Variants in MECOM observed in about 807,000 individuals in gnomAD.
The protein encoded by MECOM is histone-lysine N-methyltransferase MECOM.
MECOM carries 13 observed loss-of-function variants against 116.3 expected under a neutral mutation model. The observed-to-expected ratio is 0.11, with a 90% CI of 0.07 to 0.18. The LOEUF (loss-of-function observed/expected upper bound fraction) is 0.18, where lower values mean the gene tolerates loss of function less well. Ranked by LOEUF, MECOM falls within the 10% of genes least tolerant of loss-of-function variation. The pLI is 1.00. For missense variants in MECOM, 1,299 were observed against 1,509.0 expected (o/e 0.86, Z 2.31); for synonymous variants, 528 against 535.2 (o/e 0.99, Z 0.19).
At chr3:169,330,840 G>A (rs1474220636) in intron 2 of MECOM, among the ~76,000 whole-genome samples, 3 of 151,658 alleles carry the variant, frequency 2.0e-5, no homozygotes, top group Non-Finnish European at 4.4e-5. Flanking sequence ...CGATAATAAA[G>A]CTTTCATTTT....
chr3:169,205,821 C>G (rs993222693), intron 2 of MECOM, among the ~76,000 whole-genome samples: 1 of 152,086 alleles, frequency 6.6e-6, no homozygotes, highest in African/African-American at 2.4e-5. Flanking sequence ...AAACTGGTGT[C>G]CTGGGGGCCA....
At chr3:169,367,288 C>T (rs1729339877) in intron 2 of MECOM, among the ~76,000 whole-genome samples, 2 of 151,630 alleles carry the variant, frequency 1.3e-5, no homozygotes, top group African/African-American at 4.8e-5. Flanking sequence ...TTAAGTTTTG[C>T]ATAACATTAG....
At chr3:169,319,638 AAG>A (rs1323651696) in intron 2 of MECOM, among the ~76,000 whole-genome samples, 5 of 152,208 alleles carry the variant, frequency 3.3e-5, no homozygotes, top group Non-Finnish European at 7.3e-5. Context: ...GGTTGGGAAG[AAG>A]AGAGAATTGT....
intron 1 of MECOM, among the ~76,000 whole-genome samples, chr3:169,515,519 A>G (rs1756515275): frequency 6.6e-6 from 1 of 152,220 alleles, no homozygotes; most frequent in South Asian, 2.1e-4. Context: ...TGACTTTAAA[A>G]CATGAGAATT....
At chr3:169,194,746 A>G (rs1748189891) in intron 2 of MECOM, among the ~76,000 whole-genome samples, 1 of 152,080 alleles carries the variant, frequency 6.6e-6, no homozygotes, top group Non-Finnish European at 1.5e-5. Context: ...TTGCCACTCC[A>G]AGTTGCAGTC....
chr3:169,269,547 T>C (rs1026618058), intron 2 of MECOM, among the ~76,000 whole-genome samples: 1 of 152,208 alleles, frequency 6.6e-6, no homozygotes, highest in Non-Finnish European at 1.5e-5. Context: ...TCACTTTATT[T>C]TGTAGGTTTG....
intron 3 of MECOM, among the ~76,000 whole-genome samples, chr3:169,139,818 T>C (rs917725888): frequency 6.6e-6 from 1 of 151,916 alleles, no homozygotes; most frequent in East Asian, 1.9e-4. Context: ...AGGAGACTTA[T>C]CAAAGGATGG....
At chr3:169,402,186 A>G (rs976186110) in intron 1 of MECOM, among the ~76,000 whole-genome samples, 4 of 152,200 alleles carry the variant, frequency 2.6e-5, no homozygotes, top group African/African-American at 9.7e-5. Context: ...CTCATATACT[A>G]TGTCATGAGT....
chr3:169,378,640 G>C (rs558139978), intron 2 of MECOM, among the ~76,000 whole-genome samples: 2 of 151,996 alleles, frequency 1.3e-5, no homozygotes, highest in Admixed American at 1.3e-4. Flanking sequence ...AATTAGACAT[G>C]GTTGATATGG....
chr3:169,085,107 A>T, intron 16 of MECOM, 64 bp from the exon 17 acceptor site: 1 of 1,597,338 alleles, frequency 6.3e-7, no homozygotes, highest in East Asian at 2.2e-5. Context: ...TAGTTCAAAG[A>T]ATATTGTTGG....
intron 2 of MECOM, among the ~76,000 whole-genome samples, chr3:169,369,008 G>C (rs1385135314): frequency 6.6e-6 from 1 of 151,976 alleles, no homozygotes; most frequent in Non-Finnish European, 1.5e-5. Context: ...TGATCACCAA[G>C]GCAGACAGAG....
At chr3:169,435,256 T>A (rs1742447460) in intron 1 of MECOM, among the ~76,000 whole-genome samples, 1 of 152,200 alleles carries the variant, frequency 6.6e-6, no homozygotes, top group Non-Finnish European at 1.5e-5. Context: ...TGGGTAGAAT[T>A]CATTAATTTT....
intron 1 of MECOM, among the ~76,000 whole-genome samples, chr3:169,432,372 G>T (rs1322152051): frequency 6.6e-6 from 1 of 152,088 alleles, no homozygotes; most frequent in Non-Finnish European, 1.5e-5. Context: ...TGGCCAGGCT[G>T]GTCTCGAACT....
At chr3:169,293,170 C>G (rs1338445281) in intron 2 of MECOM, among the ~76,000 whole-genome samples, 3 of 152,316 alleles carry the variant, frequency 2.0e-5, no homozygotes, top group Non-Finnish European at 1.5e-5. Flanking sequence ...AGAAAGTTAT[C>G]TGGCATGAGC....
chr3:169,518,255 T>A (rs1444554549), intron 1 of MECOM, among the ~76,000 whole-genome samples: 1 of 136,496 alleles, frequency 7.3e-6, no homozygotes, highest in Non-Finnish European at 1.6e-5. Context: ...TGAGACTCCA[T>A]CTCAAAAAAA....
At chr3:169,294,573 C>T (rs1332923726) in intron 2 of MECOM, among the ~76,000 whole-genome samples, 1 of 152,180 alleles carries the variant, frequency 6.6e-6, no homozygotes, top group Admixed American at 6.5e-5. Context: ...GTTCTGTCCT[C>T]TCTCATCACA....
At chr3:169,146,161 G>T in intron 2 of MECOM, 1 of 1,007,454 alleles carries the variant, frequency 9.9e-7, no homozygotes, top group Non-Finnish European at 1.2e-6. Flanking sequence ...AACCGTTTAG[G>T]TAGACTTTAG....
chr3:169,141,229 A>G (rs1321740196), intron 3 of MECOM, among the ~76,000 whole-genome samples: 3 of 151,984 alleles, frequency 2.0e-5, no homozygotes, highest in African/African-American at 7.2e-5. Context: ...AGAGTCCAGG[A>G]TTTATACCTG....
intron 1 of MECOM, among the ~76,000 whole-genome samples, chr3:169,543,714 A>G (rs1367986092): frequency 4.6e-5 from 7 of 152,200 alleles, no homozygotes; most frequent in Admixed American, 2.0e-4. Flanking sequence ...CAACATTCTT[A>G]AATTATTCTG....
Sources: gnomAD v4.1 joint callset for allele counts (sites outside exome capture counted in the v4.1 genomes callset) on GRCh38, gnomAD v4.1.1 for gene constraint, MANE v1.5 for transcripts, NCBI Gene and HGNC (gene_info 2026-07-23, HGNC 2026-07-21) for gene names.